Variants in PRELID2 observed in about 807,000 individuals in gnomAD.
The protein encoded by PRELID2 is PRELI domain containing 2.
Under a neutral mutation model 28.4 loss-of-function variants are expected in PRELID2, and 25 were observed. The observed-to-expected ratio is 0.88, with a 90% CI of 0.64 to 1.23. The LOEUF is 1.23. PRELID2 is among the 50% of genes most tolerant of loss of function. The probability of loss-of-function intolerance (pLI) is 0.00; values close to 1 mark genes in which losing one functional copy is unlikely to be tolerated. For synonymous variants in PRELID2, 76 were observed against 71.6 expected, an observed-to-expected ratio of 1.06 and a Z score of -0.31; for missense variants, 201 against 214.4, an observed-to-expected ratio of 0.94 and a Z score of 0.39.
chr5:145,766,543 C>A (rs183633873), intron 5 of PRELID2, among the ~76,000 whole-genome samples: 39 of 152,292 alleles, frequency 2.6e-4, no homozygotes, highest in Non-Finnish European at 5.0e-4. Context: ...CTTGAGGATT[C>A]AGAAGGTCCT....
chr5:145,822,252 T>C (rs1280746474), intron 2 of PRELID2, among the ~76,000 whole-genome samples: 3 of 152,192 alleles, frequency 2.0e-5, no homozygotes, highest in South Asian at 2.1e-4. Flanking sequence ...ACACTAATAA[T>C]GGTTTTTGCT....
At chr5:145,406,007 T>A in the PRELID2 span, among the ~76,000 whole-genome samples, 4 of 152,130 alleles carry the variant, frequency 2.6e-5, no homozygotes, top group South Asian at 6.2e-4. Context: ...AGCCAGCTGG[T>A]ACCACACACT....
At chr5:145,643,116 ATT>A (rs1754136610) in intron 1 of PRELID2, among the ~76,000 whole-genome samples, 1 of 152,126 alleles carries the variant, frequency 6.6e-6, no homozygotes, top group South Asian at 2.1e-4. Context: ...CAGTATGGCC[ATT>A]TTCATAATGT....
At chr5:145,281,721 TACTTA>T in the PRELID2 span, among the ~76,000 whole-genome samples, 1 of 152,208 alleles carries the variant, frequency 6.6e-6, no homozygotes, top group Non-Finnish European at 1.5e-5. Context: ...AAAATCTAGT[TACTTA>T]ACAATTACAG....
At chr5:145,697,212 G>A (rs1755299363) in intron 1 of PRELID2, among the ~76,000 whole-genome samples, 1 of 151,526 alleles carries the variant, frequency 6.6e-6, no homozygotes, top group Non-Finnish European at 1.5e-5. Context: ...GTATACATAT[G>A]TGTGATATAT....
the PRELID2 span, among the ~76,000 whole-genome samples, chr5:145,372,420 T>A: frequency 3.3e-5 from 5 of 152,230 alleles, no homozygotes; most frequent in Admixed American, 2.0e-4. Flanking sequence ...TCCTTGTTAA[T>A]TTTCTGTCTA....
chr5:145,567,528 C>T (rs1202096370), intron 1 of PRELID2, among the ~76,000 whole-genome samples: 1 of 152,148 alleles, frequency 6.6e-6, no homozygotes, highest in Admixed American at 6.5e-5. Flanking sequence ...CAGGCATGCA[C>T]CACCACATCT....
the PRELID2 span, among the ~76,000 whole-genome samples, chr5:145,328,972 C>A: frequency 6.6e-6 from 1 of 152,014 alleles, no homozygotes; most frequent in Non-Finnish European, 1.5e-5. Flanking sequence ...AGGAAGGGGA[C>A]CAGTTTCAGT....
At chr5:145,379,662 A>T in the PRELID2 span, among the ~76,000 whole-genome samples, 5 of 152,270 alleles carry the variant, frequency 3.3e-5, no homozygotes, top group East Asian at 5.8e-4. Flanking sequence ...GAGCACAGAC[A>T]TACATATATA....
At chr5:145,325,517 C>T in the PRELID2 span, among the ~76,000 whole-genome samples, 3,538 of 152,246 alleles carry the variant, frequency 0.023, 61 homozygotes, top group Middle Eastern at 0.099. Context: ...TTAGAGTTTA[C>T]AGAGTATTTT....
chr5:145,426,231 C>T, the PRELID2 span, among the ~76,000 whole-genome samples: 1 of 152,080 alleles, frequency 6.6e-6, no homozygotes, highest in African/African-American at 2.4e-5. Context: ...GCCCAAATAT[C>T]TATATTCTCT....
intron 1 of PRELID2, among the ~76,000 whole-genome samples, chr5:145,651,177 G>A (rs900475986): frequency 7.9e-5 from 12 of 152,184 alleles, no homozygotes; most frequent in African/African-American, 2.9e-4. Context: ...AGCAGTCTGA[G>A]ATCGAACTGC....
chr5:145,304,257 A>G, the PRELID2 span, among the ~76,000 whole-genome samples: 1 of 152,178 alleles, frequency 6.6e-6, no homozygotes, highest in East Asian at 1.9e-4. Context: ...CAGCAATTCT[A>G]TGAAAGCATT....
chr5:145,374,337 T>C, the PRELID2 span, among the ~76,000 whole-genome samples: 1 of 152,198 alleles, frequency 6.6e-6, no homozygotes, highest in Non-Finnish European at 1.5e-5. Context: ...GTAGAGTTTC[T>C]GCTGAGAAGT....
chr5:145,396,475 T>G, the PRELID2 span, among the ~76,000 whole-genome samples: 41,704 of 149,902 alleles, frequency 0.28, 6,232 homozygotes, highest in East Asian at 0.54. Context: ...CATTTACATT[T>G]TTCACAGATT....
the PRELID2 span, among the ~76,000 whole-genome samples, chr5:145,338,824 C>A: frequency 6.6e-6 from 1 of 152,192 alleles, no homozygotes; most frequent in Non-Finnish European, 1.5e-5. Flanking sequence ...ACTTGCCTGG[C>A]TCCAATGCCT....
At chr5:145,819,271 T>C in intron 3 of PRELID2, 4 of 763,414 alleles carry the variant, frequency 5.2e-6, no homozygotes, top group African/African-American at 3.5e-5. Flanking sequence ...GAGACCTGTT[T>C]AAAGGGCATA....
intron 1 of PRELID2, among the ~76,000 whole-genome samples, chr5:145,647,874 T>C (rs1395646422): frequency 2.0e-5 from 3 of 152,116 alleles, no homozygotes; most frequent in Non-Finnish European, 2.9e-5. Context: ...GCACCAACTG[T>C]CCAACAAGTC....
intron 1 of PRELID2, among the ~76,000 whole-genome samples, chr5:145,585,184 A>G (rs897942505): frequency 1.3e-5 from 2 of 152,242 alleles, no homozygotes; most frequent in African/African-American, 4.8e-5. Context: ...CTAACACAGG[A>G]AAAGAAAACC....
Sources: allele counts gnomAD v4.1 joint callset (sites outside exome capture counted in the v4.1 genomes callset), GRCh38; gene constraint gnomAD v4.1.1; transcripts MANE v1.5; gene names NCBI Gene and HGNC (gene_info 2026-07-23, HGNC 2026-07-21).